Variants in PIBF1 observed in about 807,000 individuals in gnomAD.
PIBF1 encodes progesterone-induced-blocking factor 1.
Under a neutral mutation model 112.5 loss-of-function variants are expected in PIBF1, and 90 were observed. That is an observed-to-expected ratio of 0.80 (90% CI 0.67 to 0.95). The LOEUF (loss-of-function observed/expected upper bound fraction) is 0.95. PIBF1 is among the 40% of genes least tolerant of loss of function. The probability of loss-of-function intolerance (pLI) is 0.00; values close to 1 mark genes in which losing one functional copy is unlikely to be tolerated. For missense variants in PIBF1, 915 were observed against 852.3 expected, an observed-to-expected ratio of 1.07 and a Z score of -0.92; for synonymous variants, 301 against 288.6, an observed-to-expected ratio of 1.04 and a Z score of -0.44.
At chr13:73,010,224 T>C (rs1365457863) in intron 17 of PIBF1, among the ~76,000 whole-genome samples, 1 of 127,360 alleles carries the variant, frequency 7.9e-6, no homozygotes, top group East Asian at 2.4e-4. Flanking sequence ...ATATTTTCTA[T>C]GCTAGTTTTT....
chr13:72,895,916 T>C (rs752078926), intron 11 of PIBF1, among the ~76,000 whole-genome samples: 2 of 152,170 alleles, frequency 1.3e-5, no homozygotes, highest in South Asian at 2.1e-4. Flanking sequence ...AAACAGACTC[T>C]TGGGCTGTTG....
chr13:72,956,226 A>G (rs562508228), intron 14 of PIBF1, among the ~76,000 whole-genome samples: 3 of 152,130 alleles, frequency 2.0e-5, no homozygotes, highest in African/African-American at 4.8e-5. Flanking sequence ...ATTTCCCATT[A>G]TCTCCATTGC....
At chr13:72,987,845 TA>T (rs374005686) in intron 16 of PIBF1, among the ~76,000 whole-genome samples, 14,946 of 85,754 alleles carry the variant, frequency 0.17, 1,519 homozygotes, top group East Asian at 0.2. Context: ...GTAATTTATT[TA>T]TTTATTTATT....
intron 5 of PIBF1, among the ~76,000 whole-genome samples, chr13:72,820,627 C>T (rs751630022): frequency 2.0e-5 from 3 of 152,122 alleles, no homozygotes; most frequent in South Asian, 2.1e-4. Context: ...AGGACAAAAT[C>T]GTCTTACTCA....
intron 10 of PIBF1, among the ~76,000 whole-genome samples, chr13:72,877,199 T>C (rs531898492): frequency 1.9e-4 from 29 of 152,296 alleles, no homozygotes; most frequent in African/African-American, 5.8e-4. Flanking sequence ...ATTTTCAAAT[T>C]TTGAACCAGC....
intron 15 of PIBF1, chr13:72,970,522 A>G (rs2042860312): frequency 6.6e-6 from 1 of 152,212 alleles, no homozygotes; most frequent in African/African-American, 2.4e-5. Flanking sequence ...AAGTTAAGGA[A>G]CAATATATCA....
At chr13:72,860,845 T>A (rs35289851) in intron 10 of PIBF1, among the ~76,000 whole-genome samples, 5,705 of 152,300 alleles carry the variant, frequency 0.037, 157 homozygotes, top group Middle Eastern at 0.092. Flanking sequence ...GACTCATGTA[T>A]GTCCCAATTC....
chr13:72,876,239 C>G (rs1401736063), intron 10 of PIBF1, among the ~76,000 whole-genome samples: 1 of 135,452 alleles, frequency 7.4e-6, no homozygotes, highest in African/African-American at 2.8e-5. Context: ...TGTCAAACAT[C>G]AGTTGACTGT....
At chr13:72,880,362 C>G (rs2039575136) in intron 10 of PIBF1, among the ~76,000 whole-genome samples, 1 of 152,176 alleles carries the variant, frequency 6.6e-6, no homozygotes, top group Non-Finnish European at 1.5e-5. Flanking sequence ...AATTGGAACT[C>G]TGCAGCCAGG....
At chr13:72,921,446 A>G (rs2138715321) in intron 13 of PIBF1, among the ~76,000 whole-genome samples, 1 of 152,282 alleles carries the variant, frequency 6.6e-6, no homozygotes, top group African/African-American at 2.4e-5. Flanking sequence ...AATTACTGGT[A>G]ATCCTACCAT....
intron 10 of PIBF1, among the ~76,000 whole-genome samples, chr13:72,889,574 T>C (rs921595011): frequency 6.6e-6 from 1 of 152,208 alleles, no homozygotes. Flanking sequence ...ATACTAAAAA[T>C]CCTTCCCTGA....
chr13:72,814,431 G>T lies in PIBF1; in HGVS notation c.673-7418G>T, dbSNP rs1365509951. Among the ~76,000 whole-genome samples the T allele has an allele frequency of 5.0e-5, 6 of 120,344 alleles. No homozygotes were observed. The Admixed American group carries it at 5.5e-4, about 11-fold the overall frequency. The allele number at this position is 120,344 out of a possible 152,430, so 79.0% of individuals were successfully genotyped here. A position where few individuals can be genotyped will look rare whatever the true frequency, so the allele number is the denominator to read the frequency against. Reference sequence around the variant, plus strand: ...AGCCTAGGTGACAAAGCAAGACTTCGTCTCAAAAAAAAAAAAAAAAAGATT... The same window carrying T: ...AGCCTAGGTGACAAAGCAAGACTTCTTCTCAAAAAAAAAAAAAAAAAGATT... On this transcript the variant is annotated intron_variant, in intron 5 of 17. Transcript: ENST00000326291.
chr13:72,922,099 T>C (rs2041316630), intron 13 of PIBF1, among the ~76,000 whole-genome samples: 1 of 152,124 alleles, frequency 6.6e-6, no homozygotes, highest in African/African-American at 2.4e-5. Flanking sequence ...CCTTTCTATC[T>C]TCCTGAGTAG....
chr13:72,783,226 C>T (rs2034390475), intron 1 of PIBF1, among the ~76,000 whole-genome samples, 197 bp from the exon 2 acceptor site: 1 of 151,874 alleles, frequency 6.6e-6, no homozygotes, highest in Non-Finnish European at 1.5e-5. Context: ...TTTTAAGTTT[C>T]TCGAAGGCTG....
chr13:72,886,264 G>C (rs1208195482), intron 10 of PIBF1, among the ~76,000 whole-genome samples: 2 of 150,358 alleles, frequency 1.3e-5, no homozygotes. Context: ...GATCAACACT[G>C]AGATATACGT....
intron 5 of PIBF1, among the ~76,000 whole-genome samples, chr13:72,808,514 G>A (rs571941936): frequency 2.3e-4 from 35 of 152,136 alleles, no homozygotes; most frequent in Non-Finnish European, 4.6e-4. Flanking sequence ...CGGTGGTGAT[G>A]TTCTTGTTTT....
intron 10 of PIBF1, among the ~76,000 whole-genome samples, chr13:72,889,209 G>A (rs1469740051): frequency 1.3e-5 from 2 of 152,140 alleles, no homozygotes; most frequent in Non-Finnish European, 2.9e-5. Context: ...ATCCTTATAA[G>A]CAAGATTGAA....
At chr13:72,970,053 A>G (rs974497523) in intron 15 of PIBF1, among the ~76,000 whole-genome samples, 1 of 152,092 alleles carries the variant, frequency 6.6e-6, no homozygotes. Flanking sequence ...TTTCTAATTC[A>G]ATAAAAACTC....
intron 6 of PIBF1, 35 bp from the exon 7 acceptor site, chr13:72,826,975 A>C: frequency 7.3e-7 from 1 of 1,361,242 alleles, no homozygotes; most frequent in Admixed American, 1.9e-5. Context: ...AGGGGATGTA[A>C]AATTTACATG....
Sources: gnomAD v4.1 joint callset for allele counts (sites outside exome capture counted in the v4.1 genomes callset) on GRCh38, gnomAD v4.1.1 for gene constraint, MANE v1.5 for transcripts, NCBI Gene and HGNC (gene_info 2026-07-23, HGNC 2026-07-21) for gene names.